The following SEC61B variants were observed in gnomAD, a reference collection of about 807,000 sequenced individuals.
SEC61B encodes protein transport protein Sec61 subunit beta.
Under a neutral mutation model 12.6 loss-of-function variants are expected in SEC61B, and 7 were observed. That is an observed-to-expected ratio of 0.55 (90% confidence interval 0.32 to 1.04). The LOEUF (loss-of-function observed/expected upper bound fraction) is 1.04, where lower values mean the gene tolerates loss of function less well. Among genes scored for constraint, SEC61B ranks in the 50% least tolerant of loss-of-function variants. The probability of loss-of-function intolerance (pLI) is 0.05; values close to 1 mark genes in which losing one functional copy is unlikely to be tolerated. For synonymous variants in SEC61B, 54 were observed against 50.1 expected (o/e 1.08, Z -0.33); for missense variants, 107 against 130.1 (o/e 0.82, Z 0.86).
At chr9:99,223,449 A>G (rs1264128203) in intron 2 of SEC61B, among the ~76,000 whole-genome samples, 2 of 150,106 alleles carry the variant, frequency 1.3e-5, no homozygotes, top group African/African-American at 4.9e-5. Flanking sequence ...GCTGGAGTGC[A>G]GTGGCACGAT....
intron 3 of SEC61B, among the ~76,000 whole-genome samples, chr9:99,229,980 G>A (rs1828940579): frequency 6.6e-6 from 1 of 152,046 alleles, no homozygotes; most frequent in Non-Finnish European, 1.5e-5. Flanking sequence ...GTTTGGTAAT[G>A]GGTTCATTTG....
At chr9:99,222,451 C>T in intron 1 of SEC61B, 85 bp downstream of exon 1, 5 of 1,608,458 alleles carry the variant, frequency 3.1e-6, no homozygotes, top group Middle Eastern at 1.7e-4. Context: ...CTGTAGCTCC[C>T]TTGCTTCCCC....
chr9:99,226,208 A>G (rs1479256138), intron 2 of SEC61B, among the ~76,000 whole-genome samples: 2 of 152,184 alleles, frequency 1.3e-5, no homozygotes, highest in Admixed American at 1.3e-4. Context: ...TTTGGCACTG[A>G]TTGCTTTCAA....
intron 2 of SEC61B, 90 bp from the exon 3 acceptor site, chr9:99,227,809 C>G: frequency 1.2e-6 from 1 of 869,196 alleles, no homozygotes; most frequent in Non-Finnish European, 1.8e-6. Flanking sequence ...TTTTTTGATT[C>G]CTTAACTGTG....
rs530132509 is a variant in SEC61B at position 99,223,332 on chromosome 9, CA to C, written c.101+701del. On this transcript the variant is annotated intron_variant, in intron 2 of 3. Coordinates refer to ENST00000223641, the MANE Select transcript of SEC61B (RefSeq NM_006808.3). ...TGCTGAACTAAAAAAAACAAACAAA[CA>C]AAAAAAAAAAACCGGGGGGATACCA... Among the ~76,000 whole-genome samples, 482 of 128,914 alleles carry C rather than the reference CA, an allele frequency of 3.7e-3. 2 individuals are homozygous for C. Among genetic ancestry groups the C allele is most frequent in the African/African-American group, 0.011 (394 of 34,472 alleles). 84.6% of individuals were successfully genotyped at this position (128,914 alleles called of 152,430 possible).
chr9:99,225,078 G>C (rs1828879347), intron 2 of SEC61B, among the ~76,000 whole-genome samples: 1 of 152,208 alleles, frequency 6.6e-6, no homozygotes, highest in Admixed American at 6.5e-5. Context: ...ATGGGAATCA[G>C]GGATATTAAG....
At chr9:99,229,081 T>G (rs1828931096) in intron 3 of SEC61B, among the ~76,000 whole-genome samples, 1 of 152,172 alleles carries the variant, frequency 6.6e-6, no homozygotes. Flanking sequence ...TTTTATAATT[T>G]TAATTAGTTT....
chr9:99,227,068 C>T (rs1388986835), intron 2 of SEC61B, among the ~76,000 whole-genome samples: 1 of 152,000 alleles, frequency 6.6e-6, no homozygotes, highest in Non-Finnish European at 1.5e-5. Flanking sequence ...GAGTTCAAGA[C>T]CAGCCTGGCC....
intron 1 of SEC61B, 63 bp downstream of exon 1, chr9:99,222,429 C>T (rs756261129): frequency 1.9e-6 from 3 of 1,612,268 alleles, no homozygotes; most frequent in East Asian, 4.5e-5. Flanking sequence ...TGCTTTGCGC[C>T]GTGCTTTTCC....
chr9:99,222,836 CACTA>C, intron 2 of SEC61B, 193 bp downstream of exon 2: 2 of 510,134 alleles, frequency 3.9e-6, no homozygotes, highest in Admixed American at 3.8e-5. Context: ...CAGTTTAGGG[CACTA>C]CTCTTAAAAA....
rs186970868 is a variant in SEC61B, at chr9:99,226,274, C to G, written c.102-1625C>G. Among the ~76,000 whole-genome samples, 30 of 152,334 alleles carry G rather than the reference C, an allele frequency of 2.0e-4. No individual in the cohort carries two copies. In the Middle Eastern group the frequency reaches 0.01, roughly 52 times the overall value. Reference sequence around the variant, plus strand: ...AGAACCAGGACTGCACTCTCCCACTCCGTCATGTAGCAGGGCAGGCTCCCC... The same window carrying G: ...AGAACCAGGACTGCACTCTCCCACTGCGTCATGTAGCAGGGCAGGCTCCCC... On this transcript the variant is annotated intron_variant, in intron 2 of 3. Coordinates refer to ENST00000223641, the MANE Select transcript of SEC61B (RefSeq NM_006808.3).
At chr9:99,227,837 G>T in intron 2 of SEC61B, 62 bp from the exon 3 acceptor site, 1 of 1,142,098 alleles carries the variant, frequency 8.8e-7, no homozygotes, top group Non-Finnish European at 1.3e-6. Flanking sequence ...GGTAGCATAT[G>T]TTATAATGCT....
At chr9:99,222,682 G>A (rs1828843890) in intron 2 of SEC61B, 39 bp downstream of exon 2, 23 of 1,384,854 alleles carry the variant, frequency 1.7e-5, no homozygotes, top group Non-Finnish European at 1.9e-5. Flanking sequence ...CAGACTCGGA[G>A]ATAGGACCCA....
intron 1 of SEC61B, 39 bp downstream of exon 1, chr9:99,222,405 G>A: frequency 6.2e-7 from 1 of 1,614,062 alleles, no homozygotes; most frequent in South Asian, 1.1e-5. Context: ...TCTCCCAGAA[G>A]CCCTGACTCC....
intron 2 of SEC61B, 54 bp from the exon 3 acceptor site, chr9:99,227,845 G>T: frequency 8.1e-7 from 1 of 1,239,714 alleles, no homozygotes; most frequent in Non-Finnish European, 1.2e-6. Flanking sequence ...ATGTTATAAT[G>T]CTATTCTAAT....
At chr9:99,228,237 G>A (rs114605119) in intron 3 of SEC61B, among the ~76,000 whole-genome samples, 1 of 152,216 alleles carries the variant, frequency 6.6e-6, no homozygotes, top group Non-Finnish European at 1.5e-5. Flanking sequence ...TCTTCATGGA[G>A]CTATGTCAAA....
In SEC61B at chr9:99,224,651, A is replaced by G. The variant is rs572507197; in HGVS notation, c.101+2008A>G. Among the ~76,000 whole-genome samples, 3 of 152,356 alleles carry G rather than the reference A, an allele frequency of 2.0e-5. No individual in the cohort carries two copies. The East Asian group carries it at 5.8e-4, about 29-fold the overall frequency. On this transcript the variant is annotated intron_variant, in intron 2 of 3. Coordinates refer to ENST00000223641, the MANE Select transcript of SEC61B (RefSeq NM_006808.3). ...TTTTAAAGTCGTGGGTGTTGGTGTC[A>G]TCTTTTAGGATTCAGTGTGATAGAG...
At chr9:99,224,387 G>A (rs1828873736) in intron 2 of SEC61B, among the ~76,000 whole-genome samples, 1 of 152,110 alleles carries the variant, frequency 6.6e-6, no homozygotes, top group Non-Finnish European at 1.5e-5. Context: ...TTTTCGTGCA[G>A]GAATGGAAAA....
intron 1 of SEC61B, 50 bp from the exon 2 acceptor site, chr9:99,222,496 G>C (rs1828839929): frequency 6.2e-7 from 1 of 1,602,812 alleles, no homozygotes; most frequent in African/African-American, 1.3e-5. Flanking sequence ...CCGGGGTTCT[G>C]GGGCAGGCCT....
Sources: allele counts gnomAD v4.1 joint callset (sites outside exome capture counted in the v4.1 genomes callset), GRCh38; gene constraint gnomAD v4.1.1; transcripts MANE v1.5; gene names NCBI Gene and HGNC (gene_info 2026-07-23, HGNC 2026-07-21).